Variants in LGALS8 observed in about 807,000 individuals in gnomAD.
LGALS8 encodes the protein galectin 8, also known as galectin-8.
LGALS8 carries 30 observed loss-of-function variants against 35.9 expected under a neutral mutation model. The ratio of observed to expected loss-of-function variants is 0.83; its 90% CI spans 0.62 to 1.13. LGALS8 has a LOEUF of 1.13. Among genes scored for constraint, LGALS8 ranks in the 50% most tolerant of loss-of-function variants. The pLI is 0.00. For missense variants in LGALS8, 366 were observed against 388.7 expected, an observed-to-expected ratio of 0.94 and a Z score of 0.49; for synonymous variants, 138 against 136.1, an observed-to-expected ratio of 1.01 and a Z score of -0.10.
At chr1:236,534,698 C>T (rs1023042033) in intron 2 of LGALS8, among the ~76,000 whole-genome samples, 2 of 151,952 alleles carry the variant, frequency 1.3e-5, no homozygotes, top group South Asian at 2.1e-4. Context: ...AAGTGGCCAC[C>T]GTTCTTAGCA....
At chr1:236,530,580 T>A (rs1185069538) in intron 2 of LGALS8, among the ~76,000 whole-genome samples, 1 of 152,196 alleles carries the variant, frequency 6.6e-6, no homozygotes, top group Non-Finnish European at 1.5e-5. Context: ...AACTCTCAGT[T>A]GCTCAGCCAG....
At chr1:236,542,959 T>C in intron 7 of LGALS8, 172 bp downstream of exon 7, 2 of 1,614,172 alleles carry the variant, frequency 1.2e-6, no homozygotes, top group Non-Finnish European at 1.7e-6. Context: ...CACCCAGAAC[T>C]GTCTACACCA....
chr1:236,520,829 G>A (rs138095053), upstream of LGALS8, among the ~76,000 whole-genome samples: 360 of 152,282 alleles, frequency 2.4e-3, 1 homozygote, highest in African/African-American at 8.4e-3. Flanking sequence ...CATACTGGTT[G>A]GTGGCCTTTG....
rs1662263403 is a variant in LGALS8 at position 236,544,854 on chromosome 1, C to T, written c.743C>T (p.Ser248Phe). 6.2e-7 allele frequency: 1 copy of T among 1,613,626 alleles called. No individual in the cohort carries two copies. The highest frequency in any genetic ancestry group is 8.5e-7 in the Non-Finnish European group (1 of 1,179,662). The change falls in exon 9 of 10, where the codon TCC (serine) becomes TTC (phenylalanine). Residue 248 changes from serine to phenylalanine, a missense_variant. By Grantham distance (155) the Ser-to-Phe change is radical. Coordinates refer to ENST00000366584, the MANE Select transcript of LGALS8 (RefSeq NM_201544.4). ...AFVRNSFLQE[S>F]WGEEERNITS... ...GTAAGAAATTCTTTTCTTCAGGAGT[C>T]CTGGGGAGAAGAAGAGAGAAATATT...
upstream of LGALS8, among the ~76,000 whole-genome samples, chr1:236,519,269 T>C (rs773827362): frequency 6.6e-6 from 1 of 151,106 alleles, no homozygotes; most frequent in African/African-American, 2.4e-5. Flanking sequence ...TGTGCACTTG[T>C]AGTCCCAGCT....
chr1:236,540,540 G>T, intron 4 of LGALS8, 24 bp from the exon 5 acceptor site: 1 of 1,503,438 alleles, frequency 6.7e-7, no homozygotes. Flanking sequence ...GGCGGGGGGG[G>T]CTCTGTCTTC....
chr1:236,548,353 G>A lies in LGALS8; in HGVS notation c.*192G>A. The stretch of plus-strand genomic sequence containing the variant: ...TGTCTAGCACTGAATGGGGAAACTG[G>A]GGGCAGCAACACTTATAGCCAGTTA... On this transcript the variant is annotated 3_prime_UTR_variant, in exon 10 of 10. Transcript: ENST00000366584. 2 of 587,562 alleles carry A rather than the reference G, an allele frequency of 3.4e-6. No homozygotes were observed. The highest frequency in any genetic ancestry group is 5.9e-6 in the Non-Finnish European group (2 of 336,164). The allele number at this position is 587,562 out of a possible 1,614,324, so 36.4% of individuals were successfully genotyped here.
intron 9 of LGALS8, among the ~76,000 whole-genome samples, chr1:236,545,809 TG>T (rs1368044890): frequency 6.6e-6 from 1 of 152,080 alleles, no homozygotes; most frequent in Non-Finnish European, 1.5e-5. Flanking sequence ...TTCAGAAAGC[TG>T]GGAAGGATGT....
In LGALS8 at chr1:236,548,643, A is replaced by ATTAG; in HGVS notation, c.*486_*489dup. 1 of 326,932 alleles carries ATTAG rather than the reference A, an allele frequency of 3.1e-6. No individual in the cohort carries two copies. The highest frequency in any genetic ancestry group is 4.7e-5 in the East Asian group (1 of 21,242). 20.3% of individuals were successfully genotyped at this position (326,932 alleles called of 1,614,324 possible). On this transcript the variant is annotated 3_prime_UTR_variant, in exon 10 of 10. Coordinates refer to ENST00000366584, the MANE Select transcript of LGALS8 (RefSeq NM_201544.4). The stretch of plus-strand genomic sequence containing the variant: ...ATCAACTCCTAAGGGGTCCTCTGGG[A>ATTAG]TTAGTTATGCAGATATTAAATCACC...
chr1:236,548,353 G>C lies in LGALS8; in HGVS notation c.*192G>C. ...TGTCTAGCACTGAATGGGGAAACTG[G>C]GGGCAGCAACACTTATAGCCAGTTA... On this transcript the variant is annotated 3_prime_UTR_variant, in exon 10 of 10. Coordinates refer to ENST00000366584, the MANE Select transcript of LGALS8 (RefSeq NM_201544.4). 1 of 587,562 alleles carries C rather than the reference G, an allele frequency of 1.7e-6. No homozygotes were observed. Among genetic ancestry groups the C allele is most frequent in the Non-Finnish European group, 3.0e-6 (1 of 336,164 alleles). 36.4% of individuals were successfully genotyped at this position (587,562 alleles called of 1,614,324 possible). A position where few individuals can be genotyped will look rare whatever the true frequency, so the allele number is the denominator to read the frequency against.
intron 4 of LGALS8, 137 bp downstream of exon 4, chr1:236,539,226 T>A: frequency 1.4e-6 from 1 of 706,248 alleles, no homozygotes; most frequent in Non-Finnish European, 2.4e-6. Context: ...TTTTTCTCCA[T>A]AAAAGGACCA....
intron 2 of LGALS8, among the ~76,000 whole-genome samples, chr1:236,533,473 TAC>T (rs1213987215): frequency 6.6e-6 from 1 of 152,076 alleles, no homozygotes; most frequent in African/African-American, 2.4e-5. Flanking sequence ...TAGCTGGGAT[TAC>T]AGTCATGTGC....
At chr1:236,535,060 CAAAAAAAA>C (rs5781893) in intron 2 of LGALS8, among the ~76,000 whole-genome samples, 3 of 64,902 alleles carry the variant, frequency 4.6e-5, no homozygotes, top group African/African-American at 1.9e-4. Flanking sequence ...GACTCTGTCT[CAAAAAAAA>C]AAAAAAAAAA....
chr1:236,538,366 T>C (rs1370868605), intron 3 of LGALS8, among the ~76,000 whole-genome samples: 2 of 152,178 alleles, frequency 1.3e-5, no homozygotes, highest in Non-Finnish European at 2.9e-5. Context: ...TTCAAGTCGT[T>C]AGAGAAGTAG....
At chr1:236,541,818 C>A in intron 6 of LGALS8, 108 bp downstream of exon 6, 2 of 572,322 alleles carry the variant, frequency 3.5e-6, no homozygotes, top group Non-Finnish European at 6.1e-6. Flanking sequence ...GCTTTTAGAA[C>A]GCAAGTAATC....
intron 9 of LGALS8, among the ~76,000 whole-genome samples, chr1:236,546,093 T>C (rs1189078565): frequency 1.3e-5 from 2 of 152,170 alleles, no homozygotes; most frequent in African/African-American, 2.4e-5. Context: ...TAATGATACA[T>C]TCAAATAATG....
rs755234337 is a variant in LGALS8 at position 236,552,033 on chromosome 1, T to C, written c.*3872T>C. The C allele has an allele frequency of 1.2e-6, 2 of 1,613,340 alleles. No homozygotes were observed. Among genetic ancestry groups the C allele is most frequent in the South Asian group, 1.1e-5 (1 of 91,066 alleles). On this transcript the variant is annotated 3_prime_UTR_variant, in exon 10 of 10. Coordinates refer to ENST00000366584, the MANE Select transcript of LGALS8 (RefSeq NM_201544.4). ...ACTCTGCTAAGAAAGGAATGGATTC[T>C]GGTAGCAAGACAATATAATTCTCCT...
chr1:236,543,346 T>C (rs1399893353), intron 7 of LGALS8: 1 of 682,384 alleles, frequency 1.5e-6, no homozygotes, highest in South Asian at 1.6e-5. Flanking sequence ...CTGTCACTCA[T>C]TTCATCGTCT....
chr1:236,519,277 G>A (rs1288941858), upstream of LGALS8, among the ~76,000 whole-genome samples: 1 of 151,642 alleles, frequency 6.6e-6, no homozygotes. Flanking sequence ...TGTAGTCCCA[G>A]CTACTTGGGA....
Sources: gnomAD v4.1 joint callset for allele counts (sites outside exome capture counted in the v4.1 genomes callset) on GRCh38, gnomAD v4.1.1 for gene constraint, MANE v1.5 for transcripts, NCBI Gene and HGNC (gene_info 2026-07-23, HGNC 2026-07-21) for gene names.